The following RYR3 variants were observed in gnomAD, a reference collection of about 807,000 sequenced individuals.
The protein encoded by RYR3 is ryanodine receptor 3.
Under a neutral mutation model 584.3 loss-of-function variants are expected in RYR3, and 207 were observed. The observed-to-expected ratio is 0.35, with a 90% CI of 0.32 to 0.40. RYR3 has a LOEUF of 0.40. RYR3 is among the 10% of genes least tolerant of loss of function. The probability of loss-of-function intolerance (pLI) is 1.00; values close to 1 mark genes in which losing one functional copy is unlikely to be tolerated. For missense variants in RYR3, 5,616 were observed against 6,089.2 expected (o/e 0.92, Z 2.59); for synonymous variants, 2,416 against 2,248.5 (o/e 1.07, Z -2.11).
intron 1 of RYR3, among the ~76,000 whole-genome samples, chr15:33,359,363 TATTTTCCCGACTCTTC>T: frequency 6.6e-6 from 1 of 152,214 alleles, no homozygotes; most frequent in East Asian, 1.9e-4. Flanking sequence ...TGTGTGTCTT[TATTTTCCCGACTCTTC>T]ACCTTCCTCC....
chr15:33,822,889 G>T, intron 80 of RYR3, 107 bp from the exon 81 acceptor site: 2 of 785,480 alleles, frequency 2.5e-6, no homozygotes, highest in South Asian at 2.1e-5. Context: ...TCCATAAGCA[G>T]AGCGTCCAAC....
At chr15:33,448,756 G>A (rs961835468) in intron 1 of RYR3, among the ~76,000 whole-genome samples, 3 of 152,050 alleles carry the variant, frequency 2.0e-5, no homozygotes, top group Non-Finnish European at 2.9e-5. Flanking sequence ...TTTGGGAAGC[G>A]GATTCTGGCC....
intron 1 of RYR3, 118 bp from the exon 2 acceptor site, chr15:33,473,295 TAAAAAC>T (rs1196793880): frequency 2.5e-5 from 29 of 1,149,430 alleles, no homozygotes; most frequent in Admixed American, 1.2e-4. Context: ...GGTTTAAAAA[TAAAAAC>T]AAAAAGCACG....
chr15:33,791,951 G>T (rs2075188578), intron 67 of RYR3, among the ~76,000 whole-genome samples: 1 of 152,100 alleles, frequency 6.6e-6, no homozygotes, highest in African/African-American at 2.4e-5. Flanking sequence ...ATGGATTTAA[G>T]ATTAGGGGAT....
Position 33,801,953 on chromosome 15 carries a change from A to T in RYR3, c.10003A>T (p.Met3335Leu). The change falls in exon 69 of 104, where the codon ATG (methionine) becomes TTG (leucine). Residue 3335 changes from methionine (M) to leucine (L), a missense_variant. Around this residue, in one of 9 missense-constraint regions of RYR3, gnomAD observed 954 missense variants for 1,132.2 expected, o/e 0.84. Coordinates refer to ENST00000634891, the MANE Select transcript of RYR3 (RefSeq NM_001036.6). ...AFLTGDSKSKMSKAMQVKSGG... is the reference protein window; with the variant it reads ...AFLTGDSKSKLSKAMQVKSGG... ...TTTAACTGGAGACAGCAAAAGCAAG[A>T]TGTCAAAAGTAAGTCCTTAGAAATC... 1 of 1,578,554 alleles carries T rather than the reference A, an allele frequency of 6.3e-7. No individual in the cohort carries two copies.
At chr15:33,618,817 A>C (rs533583065) in intron 19 of RYR3, among the ~76,000 whole-genome samples, 120 of 152,338 alleles carry the variant, frequency 7.9e-4, no homozygotes, top group African/African-American at 2.7e-3. Context: ...CCCTTTGAGC[A>C]CAGCACAGCT....
At chr15:33,350,930 T>C (rs1297537345) in intron 1 of RYR3, among the ~76,000 whole-genome samples, 1 of 151,706 alleles carries the variant, frequency 6.6e-6, no homozygotes, top group Non-Finnish European at 1.5e-5. Context: ...CTGAAGGAAA[T>C]AGAGACACAA....
At chr15:33,689,079 C>T (rs934878707) in intron 38 of RYR3, among the ~76,000 whole-genome samples, 1 of 151,926 alleles carries the variant, frequency 6.6e-6, no homozygotes, top group African/African-American at 2.4e-5. Context: ...TTTGCAGAGA[C>T]ATGGATGAAG....
intron 48 of RYR3, among the ~76,000 whole-genome samples, chr15:33,734,225 AT>A (rs1176388747): frequency 1.3e-5 from 2 of 152,192 alleles, no homozygotes; most frequent in African/African-American, 4.8e-5. Context: ...TCAACACAAG[AT>A]TTTTATGATA....
At position 33,788,448 on chromosome 15, in the gene RYR3, G is replaced by A. The variant is rs1181356304; in HGVS notation, c.9820G>A (p.Asp3274Asn). 6.2e-7 allele frequency: 1 copy of A among 1,613,766 alleles called. No individual in the cohort carries two copies. The highest frequency in any genetic ancestry group is 1.7e-5 in the Admixed American group (1 of 60,022). The change falls in exon 67 of 104, where the codon GAC becomes AAC. Residue 3274 changes from aspartate to asparagine, a missense_variant. Asp to Asn is a conservative substitution (Grantham distance 23). This residue lies in a region of RYR3 where 954 missense variants were observed against 1,132.2 expected (regional missense o/e 0.84). Transcript: ENST00000634891. ...CTACCCCATGCTGATCCGCTACGTGGACAACAACAGGTACGGAGGAGAGCA... is the reference window on the plus strand; with the variant it reads ...CTACCCCATGCTGATCCGCTACGTGAACAACAACAGGTACGGAGGAGAGCA... ...AFYPMLIRYV[D>N]NNRSNWLKSP...
rs1045669548 is a variant in RYR3 at position 33,425,855 on chromosome 15, G to A, written c.52-47564G>A. The stretch of plus-strand genomic sequence containing the variant: ...GACGGGGTTTCACCGTGTTAGCCAG[G>A]ATGGTCTCAATCTCCTGACCTCGTG... On this transcript the variant is annotated intron_variant, in intron 1 of 103. Transcript: ENST00000634891. 5.9e-5 allele frequency among the ~76,000 whole-genome samples: 9 copies of A among 151,974 alleles called. No homozygotes were observed. The South Asian group carries it at 1.2e-3, about 21-fold the overall frequency.
At chr15:33,789,918 C>T (rs575236794) in intron 67 of RYR3, among the ~76,000 whole-genome samples, 3 of 146,990 alleles carry the variant, frequency 2.0e-5, no homozygotes, top group South Asian at 2.1e-4. Context: ...TCAAGCAATC[C>T]GCCTGCCTCG....
chr15:33,478,081 G>A (rs1037235430), intron 2 of RYR3, among the ~76,000 whole-genome samples: 1 of 148,788 alleles, frequency 6.7e-6, no homozygotes, highest in African/African-American at 2.6e-5. Context: ...CATCTATTCT[G>A]TATCTGCAGT....
intron 66 of RYR3, among the ~76,000 whole-genome samples, chr15:33,786,880 T>G (rs569065453): frequency 2.0e-5 from 3 of 152,356 alleles, no homozygotes; most frequent in East Asian, 1.9e-4. Context: ...AGTTACTGCT[T>G]CTTCCTGTCT....
chr15:33,734,776 G>A (rs2069285578), intron 48 of RYR3, among the ~76,000 whole-genome samples: 1 of 141,092 alleles, frequency 7.1e-6, no homozygotes, highest in Admixed American at 7.8e-5. Flanking sequence ...TGCAAACTCC[G>A]CCTCCCAGGT....
At chr15:33,525,024 G>T (rs970553986) in intron 3 of RYR3, among the ~76,000 whole-genome samples, 2 of 152,158 alleles carry the variant, frequency 1.3e-5, no homozygotes, top group South Asian at 4.2e-4. Context: ...ATAAATATTA[G>T]GTCTGTGAAG....
At chr15:33,702,933 G>A (rs2066413391) in intron 42 of RYR3, among the ~76,000 whole-genome samples, 1 of 152,102 alleles carries the variant, frequency 6.6e-6, no homozygotes, top group African/African-American at 2.4e-5. Flanking sequence ...TAGTGAACGT[G>A]GGGTGGCTCA....
In RYR3 at chr15:33,675,082, G is replaced by A. The variant is rs529726088; in HGVS notation, c.5860+4526G>A. ...TGCAGTCCGGCCTGGGTGACAGAGCGAAAATTCTGTCTCAAAAATCCAGCA... is the reference window on the plus strand; with the variant it reads ...TGCAGTCCGGCCTGGGTGACAGAGCAAAAATTCTGTCTCAAAAATCCAGCA... On this transcript the variant is annotated intron_variant, in intron 38 of 103. Transcript: ENST00000634891. Among the ~76,000 whole-genome samples the A allele has an allele frequency of 2.0e-3, 300 of 152,310 alleles. 2 individuals are homozygous for A. Among genetic ancestry groups the A allele is most frequent in the African/African-American group, 6.4e-3 (265 of 41,576 alleles).
At position 33,663,652 on chromosome 15, in the gene RYR3, A is replaced by G. The variant is rs779717700; in HGVS notation, c.5534A>G (p.Tyr1845Cys). Residue 1845 changes from tyrosine to cysteine, a missense_variant, in exon 36 of 104, where the codon TAC becomes TGC. This residue lies in a region of RYR3 where 1,280 missense variants were observed against 1,426.2 expected (regional missense o/e 0.90). Transcript: ENST00000634891. ...CTGCAGGCAAATCAGAAGTTCCGCT[A>G]CAATGAGCTCATGCAGGCCCTGAAC... ...SKLQANQKFRYNELMQALNMS... is the reference protein window; with the variant it reads ...SKLQANQKFRCNELMQALNMS... 2 of 1,613,240 alleles carry G rather than the reference A, an allele frequency of 1.2e-6. No individual in the cohort carries two copies. Among genetic ancestry groups the G allele is most frequent in the Non-Finnish European group, 1.7e-6 (2 of 1,179,694 alleles).
Sources: gnomAD v4.1 joint callset for allele counts (sites outside exome capture counted in the v4.1 genomes callset) on GRCh38, gnomAD v4.1.1 for gene constraint, gnomAD v4.1.1 regional missense constraint, MANE v1.5 for transcripts, NCBI Gene and HGNC (gene_info 2026-07-23, HGNC 2026-07-21) for gene names.